RMDN1: variants seen among roughly 807,000 people sequenced by gnomAD.
RMDN1 encodes the protein regulator of microtubule dynamics 1, also known as regulator of microtubule dynamics protein 1.
RMDN1 carries 48 observed loss-of-function variants against 48.9 expected under a neutral mutation model. The ratio of observed to expected loss-of-function variants is 0.98; its 90% CI spans 0.78 to 1.25. The LOEUF (loss-of-function observed/expected upper bound fraction) is 1.25. Among genes scored for constraint, RMDN1 ranks in the 50% most tolerant of loss-of-function variants. RMDN1 has a pLI of 0.00. For synonymous variants in RMDN1, 148 were observed against 132.6 expected (o/e 1.12, Z -0.80); for missense variants, 418 against 373.4 (o/e 1.12, Z -0.98).
chr8:86,477,302 G>A lies in RMDN1; in HGVS notation c.752C>T (p.Ala251Val), dbSNP rs532044107. The change falls in exon 8 of 10, where the codon GCA becomes GTA. Residue 251 changes from alanine (A) to valine (V), a missense_variant. Ala to Val is a moderately conservative substitution (Grantham distance 64). Coordinates refer to ENST00000406452, the MANE Select transcript of RMDN1 (RefSeq NM_016033.3). Reference protein sequence around the residue: ...YEKALGYFHRAEQVDPNFYSK... With the variant: ...YEKALGYFHRVEQVDPNFYSK... Reference sequence around the variant, plus strand: ...AATCAAAAATACCTTACCTTGTTCTGCCCTGTGAAAGTAGCCTAAGGCCTG... The same window carrying A: ...AATCAAAAATACCTTACCTTGTTCTACCCTGTGAAAGTAGCCTAAGGCCTG... 6.9e-6 allele frequency: 11 copies of A among 1,601,490 alleles called. No homozygotes were observed. In the East Asian group the frequency reaches 2.2e-4, roughly 33 times the overall value.
chr8:86,499,439 C>T (rs1817867280), intron 2 of RMDN1, among the ~76,000 whole-genome samples: 1 of 151,822 alleles, frequency 6.6e-6, no homozygotes, highest in Admixed American at 6.6e-5. Flanking sequence ...AAGCTGAGAG[C>T]CAAATAAAAA....
intron 8 of RMDN1, among the ~76,000 whole-genome samples, chr8:86,475,620 A>G (rs931406066): frequency 2.0e-5 from 3 of 152,186 alleles, no homozygotes; most frequent in African/African-American, 7.2e-5. Context: ...ATAAACAGAA[A>G]GCCTATGAAT....
Position 86,507,085 on chromosome 8 carries a change from T to G in RMDN1, c.157A>C (p.Arg53=). Residue 53 remains arginine (R), a synonymous_variant, in exon 2 of 10, where the codon AGA becomes CGA. Transcript: ENST00000406452. The part of the protein sequence containing the change: ...EVMGNPGTFK[R]GLLLSALSYL... ...GACAAAGCTGAGAGTAAAAGGCCTC[T>G]TTTGAAAGTTCCTGGGTTTCCCATT... 1.2e-6 allele frequency: 2 copies of G among 1,611,256 alleles called. No homozygotes were observed. The highest frequency in any genetic ancestry group is 1.7e-6 in the Non-Finnish European group (2 of 1,177,400).
chr8:86,504,921 A>G (rs2131302813), intron 2 of RMDN1: 3 of 1,195,542 alleles, frequency 2.5e-6, no homozygotes, highest in South Asian at 2.4e-5. Context: ...TACCTTCTTC[A>G]AAGTCCCTGA....
intron 5 of RMDN1, chr8:86,481,677 T>C: frequency 2.4e-6 from 1 of 415,462 alleles, no homozygotes; most frequent in Non-Finnish European, 4.4e-6. Context: ...AGGTTCCAAA[T>C]TTGGATTCTT....
chr8:86,472,313 C>T, downstream of RMDN1: 3 of 632,868 alleles, frequency 4.7e-6, no homozygotes, highest in Non-Finnish European at 8.5e-6. Flanking sequence ...GTAGAAAATT[C>T]CACATCTGAC....
At chr8:86,506,170 A>C (rs1260909556) in intron 2 of RMDN1, among the ~76,000 whole-genome samples, 2 of 152,224 alleles carry the variant, frequency 1.3e-5, no homozygotes, top group Non-Finnish European at 2.9e-5. Context: ...CCAAATGAGA[A>C]ACTTAAAATA....
chr8:86,477,396 C>CA, intron 7 of RMDN1, 72 bp from the exon 8 acceptor site: 1 of 1,146,940 alleles, frequency 8.7e-7, no homozygotes, highest in Non-Finnish European at 1.3e-6. Flanking sequence ...AGCATTGTCT[C>CA]AAAGATCTAC....
chr8:86,468,501 C>T (rs72690412), downstream of RMDN1: 25,316 of 420,848 alleles, frequency 0.06, 1,074 homozygotes, highest in Non-Finnish European at 0.088. Context: ...AAAAGGACTG[C>T]GTATACCATA....
chr8:86,504,417 C>T, intron 2 of RMDN1: 1 of 1,556,714 alleles, frequency 6.4e-7, no homozygotes, highest in Non-Finnish European at 8.9e-7. Flanking sequence ...TGCTCCAGCT[C>T]TCTCGACAGC....
intron 2 of RMDN1, among the ~76,000 whole-genome samples, chr8:86,503,081 C>T (rs770729260): frequency 3.9e-5 from 6 of 152,040 alleles, no homozygotes; most frequent in Non-Finnish European, 8.8e-5. Flanking sequence ...AGGCCAGGTG[C>T]GGTGGCTCAC....
intron 2 of RMDN1, among the ~76,000 whole-genome samples, chr8:86,503,385 A>AAAAAAAAAAAAAAAAAAACAAAAC (rs1554594088): frequency 5.6e-4 from 45 of 81,002 alleles, no homozygotes; most frequent in African/African-American, 1.8e-3. Flanking sequence ...AAAAAAAAAA[A>AAAAAAAAAAAAAAAAAAACAAAAC]AAAACAAAAA....
intron 2 of RMDN1, among the ~76,000 whole-genome samples, chr8:86,503,385 A>C (rs28622950): frequency 0.53 from 42,577 of 80,820 alleles, 8,982 homozygotes; most frequent in Middle Eastern, 0.65. Context: ...AAAAAAAAAA[A>C]AAAACAAAAA....
At chr8:86,489,845 G>C (rs1816195888) in intron 2 of RMDN1, among the ~76,000 whole-genome samples, 1 of 151,318 alleles carries the variant, frequency 6.6e-6, no homozygotes, top group Non-Finnish European at 1.5e-5. Context: ...AAAAAAGGGG[G>C]GGGATGGGGG....
At chr8:86,500,137 C>T (rs1324511535) in intron 2 of RMDN1, among the ~76,000 whole-genome samples, 1 of 152,028 alleles carries the variant, frequency 6.6e-6, no homozygotes, top group Non-Finnish European at 1.5e-5. Context: ...GATTTCATGG[C>T]AAAGTCTCCA....
rs188596342 is a variant in RMDN1 at position 86,478,809 on chromosome 8, A to C, written c.729+114T>G. 82 of 806,502 alleles carry C rather than the reference A, an allele frequency of 1.0e-4. No individual in the cohort carries two copies. In the Middle Eastern group the frequency reaches 1.6e-3, roughly 15 times the overall value. 50.0% of individuals were successfully genotyped at this position (806,502 alleles called of 1,614,324 possible). A position where few individuals can be genotyped will look rare whatever the true frequency, so the allele number is the denominator to read the frequency against. On this transcript the variant is annotated intron_variant, in intron 7 of 9. Coordinates refer to ENST00000406452, the MANE Select transcript of RMDN1 (RefSeq NM_016033.3). ...TGTGATAACACAGTTGAATTGGATCATTAGAAATTGCTCAAGTCCCTCACT... is the reference window on the plus strand; with the variant it reads ...TGTGATAACACAGTTGAATTGGATCCTTAGAAATTGCTCAAGTCCCTCACT...
At chr8:86,513,296 A>T (rs150629431), upstream of RMDN1, among the ~76,000 whole-genome samples, 1,501 of 152,110 alleles carry the variant, frequency 9.9e-3, 28 homozygotes, top group African/African-American at 0.034. Flanking sequence ...AATCGCTTGA[A>T]CCCGGGAGGC....
intron 2 of RMDN1, chr8:86,503,816 G>A (rs753058050): frequency 3.7e-6 from 2 of 536,306 alleles, no homozygotes; most frequent in East Asian, 4.2e-5. Context: ...CTCCTTTTCC[G>A]TTAGACTCTT....
chr8:86,496,162 A>G (rs374383214), intron 2 of RMDN1, among the ~76,000 whole-genome samples: 1 of 152,238 alleles, frequency 6.6e-6, no homozygotes, highest in African/African-American at 2.4e-5. Context: ...AGTGCTAAAC[A>G]TGGAAATGAA....
Sources: gnomAD v4.1 joint callset for allele counts (sites outside exome capture counted in the v4.1 genomes callset) on GRCh38, gnomAD v4.1.1 for gene constraint, MANE v1.5 for transcripts, NCBI Gene and HGNC (gene_info 2026-07-23, HGNC 2026-07-21) for gene names.